Variants in CNBD1 observed in about 807,000 individuals in gnomAD.
CNBD1 encodes cyclic nucleotide binding domain containing 1.
In CNBD1, 71 loss-of-function variants were observed where a neutral mutation model predicts 54.4. The observed-to-expected ratio is 1.30, with a 90% CI of 1.08 to 1.59. The LOEUF (loss-of-function observed/expected upper bound fraction) is 1.59. CNBD1 is among the 40% of genes most tolerant of loss of function. The pLI, the probability that CNBD1 is intolerant of heterozygous loss-of-function variation, is 0.00. For synonymous variants in CNBD1, 182 were observed against 170.7 expected, an observed-to-expected ratio of 1.07 and a Z score of -0.51; for missense variants, 659 against 518.0, an observed-to-expected ratio of 1.27 and a Z score of -2.64.
intron 4 of CNBD1, among the ~76,000 whole-genome samples, chr8:87,192,933 A>G (rs1813643239): frequency 6.6e-6 from 1 of 152,218 alleles, no homozygotes; most frequent in Non-Finnish European, 1.5e-5. Flanking sequence ...CTTCTATCAC[A>G]AGAATCATGT....
chr8:87,257,369 C>CAAA (rs771338208), intron 6 of CNBD1, among the ~76,000 whole-genome samples: 4 of 67,554 alleles, frequency 5.9e-5, no homozygotes, highest in African/African-American at 2.2e-4. Flanking sequence ...AACTCTATCG[C>CAAA]AAAAAAAAAA....
chr8:86,935,521 T>A (rs1809532623), intron 3 of CNBD1, among the ~76,000 whole-genome samples: 1 of 152,156 alleles, frequency 6.6e-6, no homozygotes, highest in African/African-American at 2.4e-5. Context: ...ATTTTCAAAT[T>A]TATTGGCATG....
At chr8:87,174,110 C>T (rs1813149152) in intron 4 of CNBD1, among the ~76,000 whole-genome samples, 1 of 152,030 alleles carries the variant, frequency 6.6e-6, no homozygotes, top group Admixed American at 6.6e-5. Flanking sequence ...AGGCGCACAC[C>T]ACCAGGCCCA....
chr8:87,390,289 A>C (rs1418231907), intron 2 of CNBD1, among the ~76,000 whole-genome samples: 1 of 152,224 alleles, frequency 6.6e-6, no homozygotes. Context: ...AGCAAAAGAA[A>C]CTACCATCAG....
At chr8:87,172,913 TGTTATTTGTTTTCCG>T (rs1445925922) in intron 4 of CNBD1, among the ~76,000 whole-genome samples, 1 of 152,138 alleles carries the variant, frequency 6.6e-6, no homozygotes, top group East Asian at 1.9e-4. Flanking sequence ...CCTTCCATTT[TGTTATTTGTTTTCCG>T]GTTATTTTGT....
intron 8 of CNBD1, among the ~76,000 whole-genome samples, chr8:87,343,611 T>C (rs1228077799): frequency 6.6e-6 from 1 of 152,182 alleles, no homozygotes; most frequent in Admixed American, 6.5e-5. Flanking sequence ...AGGCTTTCAA[T>C]TAAGGAGCAG....
chr8:87,015,848 G>A (rs956647632), intron 4 of CNBD1, among the ~76,000 whole-genome samples: 6 of 151,900 alleles, frequency 3.9e-5, no homozygotes, highest in African/African-American at 1.5e-4. Flanking sequence ...TGGTGTGGTG[G>A]TGGGTACCTG....
At chr8:86,875,799 A>G (rs1369955416) in intron 1 of CNBD1, among the ~76,000 whole-genome samples, 1 of 152,104 alleles carries the variant, frequency 6.6e-6, no homozygotes, top group African/African-American at 2.4e-5. Flanking sequence ...ATTTTACTGG[A>G]TACTTTTTCT....
intron 8 of CNBD1, among the ~76,000 whole-genome samples, chr8:87,319,777 A>T (rs761275121): frequency 3.3e-5 from 5 of 152,102 alleles, no homozygotes; most frequent in Non-Finnish European, 7.4e-5. Flanking sequence ...GTAGGGTTTG[A>T]ATTAACCATT....
At position 87,183,060 on chromosome 8, in the gene CNBD1, T is replaced by G. The variant is rs539266698; in HGVS notation, c.432-22933T>G. On this transcript the variant is annotated intron_variant, in intron 4 of 10. Transcript: ENST00000518476. ...CTTACATTTAAGTCTTTAATTGATT[T>G]TGAGTTGATTTTTGAATATGGTGAA... 1.7e-4 allele frequency among the ~76,000 whole-genome samples: 26 copies of G among 152,296 alleles called. No homozygotes were observed. In the South Asian group the frequency reaches 5.0e-3, roughly 29 times the overall value.
intron 4 of CNBD1, among the ~76,000 whole-genome samples, chr8:87,052,681 A>G (rs879911855): frequency 6.6e-6 from 1 of 152,138 alleles, no homozygotes; most frequent in Non-Finnish European, 1.5e-5. Flanking sequence ...TTCTTTGGCT[A>G]TAGGAGACAT....
intron 4 of CNBD1, among the ~76,000 whole-genome samples, chr8:86,962,873 C>T (rs778579607): frequency 2.6e-5 from 4 of 152,242 alleles, no homozygotes; most frequent in East Asian, 3.9e-4. Flanking sequence ...TGTCAGGCTT[C>T]TGGGTTCCCT....
chr8:87,054,405 C>A (rs1351639852), intron 4 of CNBD1, among the ~76,000 whole-genome samples: 1 of 152,200 alleles, frequency 6.6e-6, no homozygotes, highest in Admixed American at 6.5e-5. Flanking sequence ...TCCCCCCATC[C>A]AACCCCATTG....
At chr8:87,253,275 A>T (rs2130841198) in intron 6 of CNBD1, among the ~76,000 whole-genome samples, 1 of 152,044 alleles carries the variant, frequency 6.6e-6, no homozygotes, top group South Asian at 2.1e-4. Context: ...TCTGGCTTGC[A>T]GTTAGAGTCA....
intron 10 of CNBD1, among the ~76,000 whole-genome samples, chr8:87,374,640 G>C (rs1210881832): frequency 6.6e-6 from 1 of 151,792 alleles, no homozygotes; most frequent in Admixed American, 6.6e-5. Flanking sequence ...TTGGAGCCAT[G>C]TAACTGGCTC....
intron 4 of CNBD1, among the ~76,000 whole-genome samples, chr8:87,104,552 A>G (rs894642547): frequency 3.9e-5 from 6 of 152,194 alleles, no homozygotes; most frequent in South Asian, 2.1e-4. Flanking sequence ...GATGAGACCA[A>G]TGAGGTGGAA....
chr8:87,144,998 T>C (rs1445499977), intron 4 of CNBD1, among the ~76,000 whole-genome samples: 1 of 152,088 alleles, frequency 6.6e-6, no homozygotes, highest in Non-Finnish European at 1.5e-5. Context: ...GTAACAAATA[T>C]CTAACTGGAG....
chr8:86,893,221 T>TA (rs1808799122), intron 2 of CNBD1, among the ~76,000 whole-genome samples: 1 of 152,230 alleles, frequency 6.6e-6, no homozygotes, highest in Non-Finnish European at 1.5e-5. Flanking sequence ...ATTCAAGGCA[T>TA]GCCTATTCAT....
intron 8 of CNBD1, among the ~76,000 whole-genome samples, chr8:87,311,001 G>C (rs932505926): frequency 3.3e-5 from 5 of 151,960 alleles, no homozygotes; most frequent in African/African-American, 1.2e-4. Context: ...AGAACCCTAG[G>C]AGAAAACCTA....
Sources: allele counts gnomAD v4.1 joint callset (sites outside exome capture counted in the v4.1 genomes callset), GRCh38; gene constraint gnomAD v4.1.1; transcripts MANE v1.5; gene names NCBI Gene and HGNC (gene_info 2026-07-23, HGNC 2026-07-21).